ZNF385D: variants seen among roughly 807,000 people sequenced by gnomAD.
The protein encoded by ZNF385D is zinc finger protein 659.
ZNF385D carries 15 observed loss-of-function variants against 35.8 expected under a neutral mutation model. The observed-to-expected ratio is 0.42, with a 90% CI of 0.28 to 0.64. ZNF385D has a LOEUF of 0.64. ZNF385D is among the 30% of genes least tolerant of loss of function. ZNF385D has a pLI of 0.23. For missense variants in ZNF385D, 474 were observed against 494.6 expected (o/e 0.96, Z 0.39); for synonymous variants, 212 against 186.8 (o/e 1.13, Z -1.10).
At chr3:21,679,665 T>C (rs950072625) in intron 1 of ZNF385D, among the ~76,000 whole-genome samples, 1 of 152,004 alleles carries the variant, frequency 6.6e-6, no homozygotes, top group South Asian at 2.1e-4. Context: ...GGAAACAATA[T>C]TGAAAAGAGA....
chr3:21,806,189 T>C lies in ZNF385D; in HGVS notation c.326-141161A>G, dbSNP rs183560466. Among the ~76,000 whole-genome samples, 450 of 145,440 alleles carry C rather than the reference T, an allele frequency of 3.1e-3. 5 individuals carry two copies. The highest frequency in any genetic ancestry group is 0.011 in the African/African-American group (428 of 38,650). ...ACTTCTGCATTCCTTCTTTCCTTTC[T>C]TTTTTTTTTTAAATTTCTTATTTTT... On this transcript the variant is annotated intron_variant, in intron 3 of 5. Coordinates refer to the ZNF385D transcript ENST00000494108.
At chr3:21,691,037 C>T (rs1029751384) in intron 1 of ZNF385D, among the ~76,000 whole-genome samples, 5 of 152,140 alleles carry the variant, frequency 3.3e-5, no homozygotes, top group African/African-American at 9.7e-5. Flanking sequence ...AGTCTCTTCT[C>T]GGTCTTTCAA....
chr3:22,268,224 G>A (rs939565597), intron 2 of ZNF385D, among the ~76,000 whole-genome samples: 2 of 151,774 alleles, frequency 1.3e-5, no homozygotes, highest in Non-Finnish European at 1.5e-5. Context: ...CTGTCATTAG[G>A]GGCACACAGC....
At chr3:22,003,926 C>T (rs902682921) in intron 3 of ZNF385D, among the ~76,000 whole-genome samples, 11 of 148,114 alleles carry the variant, frequency 7.4e-5, no homozygotes, top group African/African-American at 2.7e-4. Context: ...CCACAAAAGA[C>T]CCCAAATAGT....
At chr3:21,755,450 A>C (rs979527263), upstream of ZNF385D, among the ~76,000 whole-genome samples, 3 of 152,138 alleles carry the variant, frequency 2.0e-5, no homozygotes, top group Non-Finnish European at 4.4e-5. Flanking sequence ...GTGAAACCTA[A>C]AGTATGGCTA....
At chr3:21,886,662 G>C (rs558499530) in intron 3 of ZNF385D, among the ~76,000 whole-genome samples, 5 of 152,136 alleles carry the variant, frequency 3.3e-5, no homozygotes, top group African/African-American at 4.8e-5. Flanking sequence ...TCTGTAGAAA[G>C]AAATGGAGGT....
chr3:21,652,635 C>G (rs1339448047), intron 2 of ZNF385D, among the ~76,000 whole-genome samples: 1 of 149,566 alleles, frequency 6.7e-6, no homozygotes, highest in East Asian at 2.0e-4. Context: ...TCCCCCAACC[C>G]CACAACAGTC....
chr3:22,118,448 G>C (rs1445740676), intron 3 of ZNF385D, among the ~76,000 whole-genome samples: 1 of 152,076 alleles, frequency 6.6e-6, no homozygotes, highest in African/African-American at 2.4e-5. Context: ...GGGAGGGAGT[G>C]AAAACATGGT....
chr3:22,027,618 C>T (rs568639405), intron 3 of ZNF385D, among the ~76,000 whole-genome samples: 2 of 152,318 alleles, frequency 1.3e-5, no homozygotes, highest in South Asian at 4.1e-4. Flanking sequence ...ACCATGCCAC[C>T]TGAACTGCCT....
chr3:21,507,077 C>T (rs1706822942), intron 4 of ZNF385D, among the ~76,000 whole-genome samples: 1 of 152,076 alleles, frequency 6.6e-6, no homozygotes, highest in Non-Finnish European at 1.5e-5. Flanking sequence ...ATTATTTATA[C>T]TAATAAATAA....
intron 2 of ZNF385D, among the ~76,000 whole-genome samples, chr3:22,236,146 A>G (rs752572136): frequency 3.3e-5 from 5 of 152,178 alleles, no homozygotes; most frequent in Non-Finnish European, 7.4e-5. Flanking sequence ...CAATTTTTGC[A>G]AAAATCATGT....
At chr3:21,990,665 A>G (rs1428961453) in intron 3 of ZNF385D, among the ~76,000 whole-genome samples, 1 of 152,220 alleles carries the variant, frequency 6.6e-6, no homozygotes, top group East Asian at 1.9e-4. Context: ...TAAAGTTATC[A>G]ATTAACTCTA....
chr3:21,940,102 G>C (rs547055010), intron 3 of ZNF385D, among the ~76,000 whole-genome samples: 90 of 152,046 alleles, frequency 5.9e-4, no homozygotes, highest in African/African-American at 2.1e-3. Flanking sequence ...TTGTTTTAGA[G>C]GTCTTTGGAA....
chr3:21,800,037 GT>G (rs1245533056), intron 3 of ZNF385D, among the ~76,000 whole-genome samples: 1 of 152,036 alleles, frequency 6.6e-6, no homozygotes, highest in Admixed American at 6.6e-5. Flanking sequence ...CTTTATTCTT[GT>G]TAAAAATCAG....
intron 2 of ZNF385D, among the ~76,000 whole-genome samples, chr3:22,169,209 T>C (rs1706528929): frequency 1.3e-5 from 2 of 152,260 alleles, no homozygotes; most frequent in South Asian, 4.1e-4. Context: ...ATCTCTTTAA[T>C]GGAATATAAA....
At chr3:21,660,718 C>A (rs1420106700) in intron 2 of ZNF385D, among the ~76,000 whole-genome samples, 2 of 152,182 alleles carry the variant, frequency 1.3e-5, no homozygotes, top group Non-Finnish European at 2.9e-5. Context: ...AAGCCATTCT[C>A]CTTCGATCTC....
chr3:21,991,953 C>T (rs1695176968), intron 3 of ZNF385D, among the ~76,000 whole-genome samples: 1 of 152,172 alleles, frequency 6.6e-6, no homozygotes, highest in Non-Finnish European at 1.5e-5. Context: ...GCCAGACCAC[C>T]TGGGCTTAAA....
At chr3:22,049,676 C>T (rs765807549) in intron 3 of ZNF385D, among the ~76,000 whole-genome samples, 6 of 152,030 alleles carry the variant, frequency 3.9e-5, no homozygotes, top group South Asian at 4.2e-4. Context: ...TTTATTGTGT[C>T]GAAATAGATT....
intron 2 of ZNF385D, among the ~76,000 whole-genome samples, chr3:21,575,956 A>G (rs1272381417): frequency 1.3e-5 from 2 of 152,198 alleles, no homozygotes; most frequent in East Asian, 1.9e-4. Context: ...TGGATTCAAC[A>G]AGAAAAGCTT....
Sources: allele counts gnomAD v4.1 joint callset (sites outside exome capture counted in the v4.1 genomes callset), GRCh38; gene constraint gnomAD v4.1.1; transcripts MANE v1.5; gene names NCBI Gene and HGNC (gene_info 2026-07-23, HGNC 2026-07-21).